FOCAD: variants seen among roughly 807,000 people sequenced by gnomAD.
The protein encoded by FOCAD is KIAA1797.
A neutral mutation model predicts 225.6 loss-of-function variants in FOCAD; 198 were observed. The ratio of observed to expected loss-of-function variants is 0.88; its 90% CI spans 0.78 to 0.99. FOCAD has a LOEUF of 0.99. Among genes scored for constraint, FOCAD ranks in the 50% least tolerant of loss-of-function variants. The pLI is 0.00. For synonymous variants in FOCAD, 897 were observed against 755.0 expected, an observed-to-expected ratio of 1.19 and a Z score of -3.08; for missense variants, 2,713 against 2,123.6, an observed-to-expected ratio of 1.28 and a Z score of -5.46.
In FOCAD at chr9:20,764,918, T is replaced by C; in HGVS notation, c.544T>C (p.Tyr182His). The change falls in exon 7 of 44, where the codon TAT becomes CAT. Residue 182 changes from tyrosine (Y) to histidine (H), a missense_variant. Coordinates refer to ENST00000338382, the MANE Select transcript of FOCAD (RefSeq NM_001375567.1). ...QIMAPFLWYL[Y>H]CEPSQLQEYA... Reference sequence around the variant, plus strand: ...AATGGCACCATTTCTGTGGTATCTGTATTGTGAACCATCTCAGTTACAAGA... The same window carrying C: ...AATGGCACCATTTCTGTGGTATCTGCATTGTGAACCATCTCAGTTACAAGA... 1 of 1,614,152 alleles carries C rather than the reference T, an allele frequency of 6.2e-7. No homozygotes were observed. The highest frequency in any genetic ancestry group is 8.5e-7 in the Non-Finnish European group (1 of 1,180,018).
intron 35 of FOCAD, chr9:20,957,478 C>CTTTTTTTTT (rs58324778): frequency 0.32 from 25,399 of 79,120 alleles, 6,762 homozygotes; most frequent in East Asian, 0.42. Context: ...CTTTTCTTTT[C>CTTTTTTTTT]TTTTTTTTTT....
intron 1 of FOCAD, among the ~76,000 whole-genome samples, chr9:20,708,421 C>T (rs1030400595): frequency 6.6e-6 from 1 of 152,004 alleles, no homozygotes; most frequent in African/African-American, 2.4e-5. Context: ...ATTTTTTTAT[C>T]AGCCATTTTA....
At chr9:20,797,136 G>A (rs1587202642) in intron 11 of FOCAD, among the ~76,000 whole-genome samples, 1 of 152,084 alleles carries the variant, frequency 6.6e-6, no homozygotes, top group Admixed American at 6.5e-5. Flanking sequence ...TAGATGTGTG[G>A]CATTATTTCT....
intron 4 of FOCAD, 149 bp from the exon 5 acceptor site, chr9:20,740,087 G>GT (rs1325593507): frequency 7.1e-5 from 39 of 547,228 alleles, no homozygotes; most frequent in Non-Finnish European, 1.2e-4. Flanking sequence ...GGTTTGGGCT[G>GT]TACTATAGAA....
chr9:20,960,568 A>C (rs1486271456), intron 35 of FOCAD, among the ~76,000 whole-genome samples: 1 of 152,142 alleles, frequency 6.6e-6, no homozygotes, highest in African/African-American at 2.4e-5. Flanking sequence ...GTGATTTTTA[A>C]AAATCCATGA....
intron 9 of FOCAD, among the ~76,000 whole-genome samples, chr9:20,779,857 C>T (rs186479086): frequency 6.6e-6 from 1 of 152,146 alleles, no homozygotes; most frequent in Non-Finnish European, 1.5e-5. Context: ...CTACAGTGTG[C>T]CTTGGAAATG....
At chr9:20,788,717 G>A (rs1820203003) in intron 10 of FOCAD, among the ~76,000 whole-genome samples, 1 of 152,086 alleles carries the variant, frequency 6.6e-6, no homozygotes, top group Admixed American at 6.5e-5. Context: ...CTACCCTCTG[G>A]CCCCGACTGC....
At chr9:20,990,029 G>C in intron 41 of FOCAD, 94 bp from the exon 42 acceptor site, 1 of 1,459,736 alleles carries the variant, frequency 6.9e-7, no homozygotes, top group Non-Finnish European at 9.4e-7. Context: ...AGGGGAAGAT[G>C]ACATTGCCTC....
chr9:20,851,893 T>C (rs1270024280), intron 15 of FOCAD, among the ~76,000 whole-genome samples: 1 of 151,880 alleles, frequency 6.6e-6, no homozygotes, highest in Admixed American at 6.6e-5. Context: ...TTTGTTTATG[T>C]ATTGTCCATG....
At chr9:20,673,446 T>C (rs1822136493) in intron 2 of FOCAD, among the ~76,000 whole-genome samples, 2 of 152,198 alleles carry the variant, frequency 1.3e-5, no homozygotes, top group Admixed American at 1.3e-4. Flanking sequence ...TTTTTTATTA[T>C]AACTATCCTG....
intron 16 of FOCAD, among the ~76,000 whole-genome samples, chr9:20,864,203 G>A (rs1295802615): frequency 6.6e-6 from 1 of 152,070 alleles, no homozygotes; most frequent in Non-Finnish European, 1.5e-5. Context: ...TTGTCTGGAT[G>A]TGAGCCAAAG....
chr9:20,917,634 T>C lies in FOCAD; in HGVS notation c.2852+697T>C, dbSNP rs79520365. Among the ~76,000 whole-genome samples, 453 of 152,186 alleles carry C rather than the reference T, an allele frequency of 3.0e-3. 1 individual carries two copies. The highest frequency in any genetic ancestry group is 4.3e-3 in the Non-Finnish European group (295 of 67,994). On this transcript the variant is annotated intron_variant, in intron 24 of 43. Coordinates refer to ENST00000338382, the MANE Select transcript of FOCAD (RefSeq NM_001375567.1). Reference sequence around the variant, plus strand: ...TTCTCTAACTGCTGCCATTTCTGTTTGACTCCTTTCTTTCTTGCCTCCAAC... The same window carrying C: ...TTCTCTAACTGCTGCCATTTCTGTTCGACTCCTTTCTTTCTTGCCTCCAAC...
At chr9:20,937,748 G>C (rs1182067705) in intron 28 of FOCAD, among the ~76,000 whole-genome samples, 1 of 151,756 alleles carries the variant, frequency 6.6e-6, no homozygotes, top group Non-Finnish European at 1.5e-5. Context: ...TTAAACTAAA[G>C]AGCTTCTGCA....
chr9:20,742,856 C>A (rs556399698), intron 5 of FOCAD, among the ~76,000 whole-genome samples: 3 of 152,288 alleles, frequency 2.0e-5, no homozygotes, highest in Admixed American at 1.3e-4. Context: ...GAATTGGATA[C>A]ATAGGCTTGT....
chr9:20,725,431 AAG>A (rs1165178319), intron 4 of FOCAD, among the ~76,000 whole-genome samples: 1 of 152,308 alleles, frequency 6.6e-6, no homozygotes, highest in Middle Eastern at 3.4e-3. Flanking sequence ...GGAACTGAGA[AAG>A]AGAGAGGGGG....
chr9:20,935,558 G>A (rs200926861), intron 28 of FOCAD, among the ~76,000 whole-genome samples: 2 of 152,148 alleles, frequency 1.3e-5, no homozygotes, highest in East Asian at 1.9e-4. Flanking sequence ...ACATCACCAC[G>A]CCCAGCTAAT....
In FOCAD at chr9:20,881,853, C is replaced by T. The variant is rs1277505823; in HGVS notation, c.2318-18C>T. 6.2e-7 allele frequency: 1 copy of T among 1,610,252 alleles called. No homozygotes were observed. Among genetic ancestry groups the T allele is most frequent in the Non-Finnish European group, 8.5e-7 (1 of 1,178,810 alleles). The stretch of plus-strand genomic sequence containing the variant: ...ATTGTATTTACTCTACTTTTGGTCT[C>T]CTTTTATCCTCTTTTAGCTTTGGAG... On this transcript the variant is annotated intron_variant, in intron 19 of 43. Transcript: ENST00000338382.
chr9:20,874,213 G>A (rs999566031), intron 18 of FOCAD: 1 of 152,286 alleles, frequency 6.6e-6, no homozygotes, highest in Admixed American at 6.6e-5. Flanking sequence ...TGTTCCCTGA[G>A]CTCTACTGTA....
chr9:20,673,867 C>T lies in FOCAD; in HGVS notation c.-78+15041C>T, dbSNP rs76832755. ...GATTACAGGCGTGAGCCACCATGCCCGACTCCTAATTAATAAAATTCTTTA... is the reference window on the plus strand; with the variant it reads ...GATTACAGGCGTGAGCCACCATGCCTGACTCCTAATTAATAAAATTCTTTA... On this transcript the variant is annotated intron_variant, in intron 2 of 45. Coordinates refer to the FOCAD transcript ENST00000380249. 5.2e-3 allele frequency among the ~76,000 whole-genome samples: 797 copies of T among 152,280 alleles called. 6 individuals are homozygous for T. The highest frequency in any genetic ancestry group is 0.018 in the African/African-American group (746 of 41,564).
Sources: gnomAD v4.1 joint callset for allele counts (sites outside exome capture counted in the v4.1 genomes callset) on GRCh38, gnomAD v4.1.1 for gene constraint, MANE v1.5 for transcripts, NCBI Gene and HGNC (gene_info 2026-07-23, HGNC 2026-07-21) for gene names.